MECOM: variants seen among roughly 807,000 people sequenced by gnomAD.
The protein encoded by MECOM is histone-lysine N-methyltransferase MECOM.
In MECOM, 13 loss-of-function variants were observed where a neutral mutation model predicts 116.3. That is an observed-to-expected ratio of 0.11 (90% CI 0.07 to 0.18). MECOM has a LOEUF of 0.18. Ranked by LOEUF, MECOM falls within the 10% of genes least tolerant of loss-of-function variation. MECOM has a pLI of 1.00. For synonymous variants in MECOM, 528 were observed against 535.2 expected (o/e 0.99, Z 0.19); for missense variants, 1,299 against 1,509.0 (o/e 0.86, Z 2.31).
intron 1 of MECOM, among the ~76,000 whole-genome samples, chr3:169,649,200 C>T (rs573217360): frequency 1.2e-4 from 18 of 152,234 alleles, no homozygotes; most frequent in African/African-American, 4.3e-4. Context: ...TGGCTCACTC[C>T]TGTAATCCCA....
At chr3:169,491,708 C>T (rs898635914) in intron 1 of MECOM, among the ~76,000 whole-genome samples, 1 of 152,180 alleles carries the variant, frequency 6.6e-6, no homozygotes, top group Middle Eastern at 3.2e-3. Context: ...ACAAAACTAG[C>T]TCTGTAAGAC....
chr3:169,616,209 G>A (rs1769978220), intron 1 of MECOM, among the ~76,000 whole-genome samples: 1 of 152,196 alleles, frequency 6.6e-6, no homozygotes, highest in Admixed American at 6.5e-5. Flanking sequence ...TTGTGCAAAG[G>A]AGGCATGGAG....
At chr3:169,152,788 T>C (rs1741369799) in intron 2 of MECOM, among the ~76,000 whole-genome samples, 1 of 152,200 alleles carries the variant, frequency 6.6e-6, no homozygotes, top group African/African-American at 2.4e-5. Flanking sequence ...TAATTAACTA[T>C]ACAAGCATAA....
intron 1 of MECOM, among the ~76,000 whole-genome samples, chr3:169,437,500 T>C (rs1005817476): frequency 6.6e-6 from 1 of 152,202 alleles, no homozygotes; most frequent in Non-Finnish European, 1.5e-5. Flanking sequence ...TAACATAATA[T>C]TCACAAAAGC....
chr3:169,388,891 C>G (rs936058297), intron 1 of MECOM, among the ~76,000 whole-genome samples: 2 of 152,054 alleles, frequency 1.3e-5, no homozygotes, highest in Non-Finnish European at 2.9e-5. Context: ...TGGAACTTTT[C>G]CCCAGTGTTT....
At chr3:169,349,525 C>T (rs1397287841) in intron 2 of MECOM, among the ~76,000 whole-genome samples, 3 of 151,790 alleles carry the variant, frequency 2.0e-5, no homozygotes, top group African/African-American at 4.8e-5. Flanking sequence ...TGATTCATAC[C>T]GAGACTGTTC....
chr3:169,344,643 G>T (rs1332321593), intron 2 of MECOM, among the ~76,000 whole-genome samples: 1 of 152,166 alleles, frequency 6.6e-6, no homozygotes, highest in African/African-American at 2.4e-5. Context: ...TTATAGTTAT[G>T]CAATCATTAT....
chr3:169,230,147 C>G (rs1482467587), intron 2 of MECOM, among the ~76,000 whole-genome samples: 3 of 152,116 alleles, frequency 2.0e-5, no homozygotes, highest in Admixed American at 2.0e-4. Context: ...TCATAAGCCA[C>G]TAACTCCTAT....
intron 2 of MECOM, among the ~76,000 whole-genome samples, chr3:169,266,342 A>T (rs1203979284): frequency 6.6e-6 from 1 of 152,212 alleles, no homozygotes; most frequent in Non-Finnish European, 1.5e-5. Context: ...TAATTATGCT[A>T]TTGTTAGTCA....
intron 1 of MECOM, among the ~76,000 whole-genome samples, chr3:169,398,289 A>G (rs1197098325): frequency 1.3e-5 from 2 of 152,174 alleles, no homozygotes; most frequent in Non-Finnish European, 2.9e-5. Context: ...GGATTTAAAG[A>G]TTGCCACTCA....
chr3:169,439,753 C>T (rs935607670), intron 1 of MECOM, among the ~76,000 whole-genome samples: 5 of 152,128 alleles, frequency 3.3e-5, no homozygotes, highest in Non-Finnish European at 7.3e-5. Flanking sequence ...ATGTTTGAGG[C>T]TGTTCTTGTC....
intron 1 of MECOM, among the ~76,000 whole-genome samples, chr3:169,421,175 G>A (rs1485312559): frequency 6.6e-6 from 1 of 152,018 alleles, no homozygotes; most frequent in Non-Finnish European, 1.5e-5. Context: ...AAAAAGGGAA[G>A]GTTTCTAGTT....
intron 3 of MECOM, chr3:169,133,991 T>G: frequency 1.6e-6 from 2 of 1,285,666 alleles, no homozygotes; most frequent in South Asian, 2.5e-5. Flanking sequence ...TTGTGACATA[T>G]TAGAACTTTT....
At chr3:169,337,161 T>A (rs1028682131) in intron 2 of MECOM, among the ~76,000 whole-genome samples, 1 of 152,148 alleles carries the variant, frequency 6.6e-6, no homozygotes, top group Non-Finnish European at 1.5e-5. Context: ...AGTTAGCCAA[T>A]AAGTTAAATT....
intron 1 of MECOM, among the ~76,000 whole-genome samples, chr3:169,567,230 A>T (rs1476384329): frequency 1.3e-5 from 2 of 152,234 alleles, no homozygotes; most frequent in African/African-American, 4.8e-5. Flanking sequence ...GTTTCCAAAT[A>T]CTTTTAAAAT....
At chr3:169,543,733 T>C (rs927543876) in intron 1 of MECOM, among the ~76,000 whole-genome samples, 2 of 152,196 alleles carry the variant, frequency 1.3e-5, no homozygotes, top group East Asian at 3.8e-4. Context: ...TGTCTTATAA[T>C]CTCCCTTATA....
intron 2 of MECOM, among the ~76,000 whole-genome samples, chr3:169,315,391 A>C (rs1719555371): frequency 6.6e-6 from 1 of 152,212 alleles, no homozygotes; most frequent in East Asian, 1.9e-4. Context: ...TGTAAAATAC[A>C]GTTGTGCTCA....
intron 2 of MECOM, among the ~76,000 whole-genome samples, chr3:169,305,911 G>T (rs954493715): frequency 1.3e-5 from 2 of 151,462 alleles, no homozygotes; most frequent in Non-Finnish European, 2.9e-5. Flanking sequence ...GGCAGTTATT[G>T]GGAATGTCTC....
At chr3:169,207,582 A>G (rs986575357) in intron 2 of MECOM, among the ~76,000 whole-genome samples, 2 of 152,334 alleles carry the variant, frequency 1.3e-5, no homozygotes, top group Non-Finnish European at 2.9e-5. Context: ...AAAACTACAT[A>G]TAAGTACATA....
Sources: allele counts gnomAD v4.1 joint callset (sites outside exome capture counted in the v4.1 genomes callset), GRCh38; gene constraint gnomAD v4.1.1; transcripts MANE v1.5; gene names NCBI Gene and HGNC (gene_info 2026-07-23, HGNC 2026-07-21).